ANKRD29: variants seen among roughly 807,000 people sequenced by gnomAD.
ANKRD29 encodes the protein ankyrin repeat domain 29.
A neutral mutation model predicts 38.0 loss-of-function variants in ANKRD29; 32 were observed. The observed-to-expected ratio is 0.84, with a 90% CI of 0.64 to 1.13. The LOEUF (loss-of-function observed/expected upper bound fraction) is 1.13. ANKRD29 is among the 50% of genes most tolerant of loss of function. The pLI is 0.00. For synonymous variants in ANKRD29, 135 were observed against 152.4 expected (o/e 0.89, Z 0.84); for missense variants, 357 against 377.9 (o/e 0.94, Z 0.46).
Position 23,599,173 on chromosome 18 carries a change from G to A in ANKRD29, c.*2053C>T, listed in dbSNP as rs1181956176. 1 of 152,118 alleles carries A rather than the reference G, an allele frequency of 6.6e-6. No individual in the cohort carries two copies. The highest frequency in any genetic ancestry group is 2.4e-5 in the African/African-American group (1 of 41,418). 9.4% of individuals were successfully genotyped at this position (152,118 alleles called of 1,614,324 possible). ...CACCTTTCCGTACAGTCTTTGGTAG[G>A]TGATGATTCATTTTCCCTGCTATGG... On this transcript the variant is annotated 3_prime_UTR_variant, in exon 10 of 10. Transcript: ENST00000592179.
intron 1 of ANKRD29, among the ~76,000 whole-genome samples, chr18:23,652,346 G>A (rs1014065361): frequency 1.3e-5 from 2 of 152,172 alleles, no homozygotes; most frequent in Non-Finnish European, 2.9e-5. Context: ...GGCAAGTCAG[G>A]CTTCAGCAAC....
Position 23,662,892 on chromosome 18 carries a change from C to T in ANKRD29, c.-162G>A, listed in dbSNP as rs1275195938. 3 of 526,482 alleles carry T rather than the reference C, an allele frequency of 5.7e-6. No homozygotes were observed. The highest frequency in any genetic ancestry group is 8.2e-5 in the South Asian group (1 of 12,144). The allele number at this position is 526,482 out of a possible 1,614,324, so 32.6% of individuals were successfully genotyped here. On this transcript the variant is annotated 5_prime_UTR_variant, in exon 1 of 10. Coordinates refer to ENST00000592179, the MANE Select transcript of ANKRD29 (RefSeq NM_173505.4). Reference sequence around the variant, plus strand: ...CCGGCAGCAGCCGCCGCACACAGGGCCGGGCCGAAGGGGCGGCGCGGGGGC... The same window carrying T: ...CCGGCAGCAGCCGCCGCACACAGGGTCGGGCCGAAGGGGCGGCGCGGGGGC...
intron 6 of ANKRD29, among the ~76,000 whole-genome samples, chr18:23,621,938 C>A (rs994137831): frequency 6.6e-6 from 1 of 152,000 alleles, no homozygotes; most frequent in African/African-American, 2.4e-5. Flanking sequence ...CCCACCTCAG[C>A]CTCCCAAAGT....
intron 9 of ANKRD29, 85 bp from the exon 10 acceptor site, chr18:23,601,394 T>C (rs537854632): frequency 2.4e-4 from 264 of 1,085,386 alleles, no homozygotes; most frequent in Non-Finnish European, 3.6e-4. Context: ...TGACCCACTC[T>C]TTCTCCTTCA....
At chr18:23,622,354 A>G (rs1047120757) in intron 6 of ANKRD29, among the ~76,000 whole-genome samples, 3 of 152,022 alleles carry the variant, frequency 2.0e-5, no homozygotes, top group African/African-American at 7.2e-5. Context: ...GCTGGTGCCA[A>G]TACTAATGCG....
Position 23,617,797 on chromosome 18 carries a change from TG to T in ANKRD29, c.657del (p.Asn220ThrfsTer8). On this transcript the variant is annotated frameshift_variant, in exon 8 of 10. Coordinates refer to ENST00000592179, the MANE Select transcript of ANKRD29 (RefSeq NM_173505.4). LOFTEE classifies it high-confidence loss of function. Reference sequence around the variant, plus strand: ...TTTATGACATCATTATACCCTTTGTTGGCTGCTTTCAATAATGCTGTTGTGC... The same window carrying T: ...TTTATGACATCATTATACCCTTTGTTGCTGCTTTCAATAATGCTGTTGTGC... ...NDGTTALLKA[A>X]NKGYNDVIKE... 6.2e-7 allele frequency: 1 copy of T among 1,614,142 alleles called. No individual in the cohort carries two copies. The highest frequency in any genetic ancestry group is 8.5e-7 in the Non-Finnish European group (1 of 1,180,014).
chr18:23,648,978 GA>G (rs775060845), intron 2 of ANKRD29, 104 bp downstream of exon 2: 2 of 967,510 alleles, frequency 2.1e-6, no homozygotes, highest in Non-Finnish European at 3.1e-6. Flanking sequence ...GCAAACACAT[GA>G]AAAAGTAAAT....
chr18:23,621,115 G>C (rs1460045886), intron 6 of ANKRD29, among the ~76,000 whole-genome samples: 2 of 152,194 alleles, frequency 1.3e-5, no homozygotes, highest in Admixed American at 6.5e-5. Context: ...GAGGGAGCAG[G>C]ATCCAGAATG....
intron 1 of ANKRD29, among the ~76,000 whole-genome samples, chr18:23,656,526 G>T (rs916395783): frequency 2.0e-5 from 3 of 152,116 alleles, no homozygotes; most frequent in African/African-American, 7.2e-5. Flanking sequence ...ATAACATCCT[G>T]TCAACTTTAT....
intron 9 of ANKRD29, among the ~76,000 whole-genome samples, chr18:23,606,320 G>C (rs1408828569): frequency 2.0e-5 from 3 of 152,122 alleles, no homozygotes; most frequent in African/African-American, 7.2e-5. Flanking sequence ...AGGTCTTGCT[G>C]TATGGCCCAT....
In ANKRD29 at chr18:23,619,532, TTCCGCGCAGCGTCGCGGTCGGC is replaced by T. The variant is rs1468395116; in HGVS notation, c.604_625del (p.Ala202ThrfsTer8). On this transcript the variant is annotated frameshift_variant and splice_region_variant, in exon 7 of 10. Transcript: ENST00000592179. LOFTEE classifies it high-confidence loss of function. ...TGGCCGCGCGACTCGGGCACTCACGTTCCGCGCAGCGTCGCGGTCGGCTCCGCGCAGCAGCATCACCCGCACC... is the reference window on the plus strand; with the variant it reads ...TGGCCGCGCGACTCGGGCACTCACGTTCCGCGCAGCAGCATCACCCGCACC... 3 of 1,589,560 alleles carry T rather than the reference TTCCGCGCAGCGTCGCGGTCGGC, an allele frequency of 1.9e-6. No individual in the cohort carries two copies. Among genetic ancestry groups the T allele is most frequent in the Non-Finnish European group, 2.6e-6 (3 of 1,176,054 alleles).
At chr18:23,625,837 G>A (rs2059855655) in intron 6 of ANKRD29, among the ~76,000 whole-genome samples, 1 of 151,976 alleles carries the variant, frequency 6.6e-6, no homozygotes, top group African/African-American at 2.4e-5. Context: ...AAAAAATCTG[G>A]GTCTGCTCCC....
chr18:23,649,470 T>C (rs1417657869), intron 1 of ANKRD29: 1 of 649,032 alleles, frequency 1.5e-6, no homozygotes, highest in Non-Finnish European at 2.8e-6. Flanking sequence ...CCTGCCTCTG[T>C]TGTGTTTTTG....
At chr18:23,615,307 C>G (rs1568012079) in intron 8 of ANKRD29, among the ~76,000 whole-genome samples, 2 of 152,198 alleles carry the variant, frequency 1.3e-5, no homozygotes, top group East Asian at 3.9e-4. Flanking sequence ...TGCACTCAGA[C>G]TGTTTTTACA....
intron 6 of ANKRD29, among the ~76,000 whole-genome samples, chr18:23,625,362 T>A (rs952788689): frequency 1.3e-5 from 2 of 152,114 alleles, no homozygotes; most frequent in African/African-American, 4.8e-5. Context: ...TGTGGCCTGG[T>A]GCACAAAGAT....
At chr18:23,627,943 G>T (rs2059882710) in intron 6 of ANKRD29, among the ~76,000 whole-genome samples, 1 of 152,166 alleles carries the variant, frequency 6.6e-6, no homozygotes, top group African/African-American at 2.4e-5. Context: ...TTTTGAAACT[G>T]CTTCCTTTCC....
At chr18:23,621,883 T>C (rs973359709) in intron 6 of ANKRD29, among the ~76,000 whole-genome samples, 11 of 152,004 alleles carry the variant, frequency 7.2e-5, no homozygotes, top group African/African-American at 1.2e-4. Context: ...GGGGCCTTGC[T>C]TTGTTGCCTA....
At chr18:23,643,112 G>C (rs2060098772) in intron 3 of ANKRD29, among the ~76,000 whole-genome samples, 1 of 152,046 alleles carries the variant, frequency 6.6e-6, no homozygotes, top group Non-Finnish European at 1.5e-5. Context: ...AAGAATCTAG[G>C]GTGCTGATAA....
At chr18:23,620,671 A>G (rs929036188) in intron 6 of ANKRD29, among the ~76,000 whole-genome samples, 3 of 152,184 alleles carry the variant, frequency 2.0e-5, no homozygotes, top group Non-Finnish European at 4.4e-5. Flanking sequence ...CAGATGGGAA[A>G]GGATTTTCTC....
Sources: allele counts gnomAD v4.1 joint callset (sites outside exome capture counted in the v4.1 genomes callset), GRCh38; gene constraint gnomAD v4.1.1; transcripts MANE v1.5; gene names NCBI Gene and HGNC (gene_info 2026-07-23, HGNC 2026-07-21).